Variants in ANKFN1 observed in about 807,000 individuals in gnomAD.
The protein encoded by ANKFN1 is ankyrin repeat and fibronectin type-III domain-containing protein 1.
Under a neutral mutation model 108.7 loss-of-function variants are expected in ANKFN1, and 74 were observed. The observed-to-expected ratio is 0.68, with a 90% CI of 0.56 to 0.83. The LOEUF is 0.83. ANKFN1 is among the 40% of genes least tolerant of loss of function. The probability of loss-of-function intolerance (pLI) is 0.00; values close to 1 mark genes in which losing one functional copy is unlikely to be tolerated. For synonymous variants in ANKFN1, 547 were observed against 516.2 expected (o/e 1.06, Z -0.81); for missense variants, 1,505 against 1,382.3 (o/e 1.09, Z -1.41).
intron 1 of ANKFN1, among the ~76,000 whole-genome samples, chr17:56,200,373 A>G (rs758438733): frequency 7.9e-5 from 12 of 152,240 alleles, no homozygotes; most frequent in East Asian, 1.9e-4. Flanking sequence ...TGAATTGGCT[A>G]TTTGGCCATG....
At chr17:56,338,797 CT>C (rs2045885648) in intron 4 of ANKFN1, among the ~76,000 whole-genome samples, 1 of 151,898 alleles carries the variant, frequency 6.6e-6, no homozygotes, top group South Asian at 2.1e-4. Context: ...GGGGAGGTTA[CT>C]AATAAGAACA....
At chr17:56,046,982 C>A (rs142861190) in intron 4 of ANKFN1, among the ~76,000 whole-genome samples, 1 of 151,966 alleles carries the variant, frequency 6.6e-6, no homozygotes, top group African/African-American at 2.4e-5. Flanking sequence ...CTTTTCCTTT[C>A]TTTTCTTTTT....
intron 4 of ANKFN1, among the ~76,000 whole-genome samples, chr17:56,130,163 C>T (rs1907191474): frequency 6.6e-6 from 1 of 152,212 alleles, no homozygotes; most frequent in African/African-American, 2.4e-5. Flanking sequence ...TTAAACCTCT[C>T]CCAGGCCTAA....
At chr17:56,345,183 G>T (rs2144640675) in intron 4 of ANKFN1, among the ~76,000 whole-genome samples, 1 of 152,186 alleles carries the variant, frequency 6.6e-6, no homozygotes, top group East Asian at 1.9e-4. Context: ...GAGAATGATG[G>T]CTTACAGCTT....
chr17:56,172,937 G>GCAAA (rs1910811383), intron 1 of ANKFN1, among the ~76,000 whole-genome samples: 1 of 152,168 alleles, frequency 6.6e-6, no homozygotes, highest in South Asian at 2.1e-4. Context: ...TTAGCTCTTA[G>GCAAA]CAAACGTCAT....
At chr17:56,068,633 CTCTT>C (rs1023450483) in intron 4 of ANKFN1, among the ~76,000 whole-genome samples, 5 of 152,186 alleles carry the variant, frequency 3.3e-5, no homozygotes, top group Admixed American at 6.5e-5. Context: ...ATTCCACAAA[CTCTT>C]TCTCCAGAAA....
chr17:56,510,282 G>C (rs2051702466), intron 20 of ANKFN1, among the ~76,000 whole-genome samples, 191 bp from the exon 21 acceptor site: 1 of 152,124 alleles, frequency 6.6e-6, no homozygotes, highest in Non-Finnish European at 1.5e-5. Context: ...CATAATTTGT[G>C]GGGTCCTGTG....
intron 8 of ANKFN1, among the ~76,000 whole-genome samples, chr17:56,438,150 G>A (rs545530034): frequency 3.3e-4 from 50 of 152,202 alleles, no homozygotes; most frequent in Admixed American, 9.8e-4. Context: ...GATACATAGC[G>A]TAAAACATAA....
chr17:56,086,123 T>G (rs1218601799), intron 4 of ANKFN1, among the ~76,000 whole-genome samples: 1 of 151,206 alleles, frequency 6.6e-6, no homozygotes, highest in Non-Finnish European at 1.5e-5. Flanking sequence ...AAAATCAATT[T>G]GTGCCAGGTG....
At chr17:56,091,030 A>G (rs1186535369) in intron 4 of ANKFN1, among the ~76,000 whole-genome samples, 1 of 151,404 alleles carries the variant, frequency 6.6e-6, no homozygotes, top group Non-Finnish European at 1.5e-5. Context: ...AACTATGAGC[A>G]TCTTCAGGGC....
chr17:56,311,983 C>T (rs765099874), intron 3 of ANKFN1, among the ~76,000 whole-genome samples: 6 of 152,140 alleles, frequency 3.9e-5, no homozygotes, highest in Admixed American at 1.3e-4. Context: ...GAACTCTTCG[C>T]GGTCTCCTCT....
chr17:56,353,754 A>G (rs1400813540), intron 5 of ANKFN1, 82 bp from the exon 6 acceptor site: 2 of 1,256,126 alleles, frequency 1.6e-6, no homozygotes, highest in Non-Finnish European at 2.3e-6. Context: ...TCCCTGAAAC[A>G]GTCTTTAAAC....
chr17:56,467,799 A>AGAAAAAGAAAG (rs1568026402), intron 15 of ANKFN1, among the ~76,000 whole-genome samples: 17 of 20,152 alleles, frequency 8.4e-4, no homozygotes, highest in African/African-American at 3.6e-3. Context: ...AAGAAGAAAG[A>AGAAAAAGAAAG]AAGAAAGAAA....
intron 1 of ANKFN1, among the ~76,000 whole-genome samples, chr17:56,162,395 G>A (rs1909742277): frequency 6.6e-6 from 1 of 152,118 alleles, no homozygotes; most frequent in Non-Finnish European, 1.5e-5. Context: ...GGACTATGAG[G>A]GAAGGGTCTG....
intron 18 of ANKFN1, 125 bp downstream of exon 18, chr17:56,482,649 C>A (rs2145377896): frequency 8.3e-7 from 1 of 1,198,864 alleles, no homozygotes; most frequent in Non-Finnish European, 1.2e-6. Context: ...TTGGCAACAA[C>A]CCTTCCTAGA....
intron 4 of ANKFN1, among the ~76,000 whole-genome samples, chr17:56,144,156 GAAAAAAAAAAA>G (rs59884444): frequency 4.9e-5 from 2 of 40,550 alleles, no homozygotes; most frequent in African/African-American, 9.2e-5. Flanking sequence ...AGGCGCATCT[GAAAAAAAAAAA>G]AAAAAAAAAA....
chr17:56,238,607 G>C (rs947524882), intron 3 of ANKFN1, among the ~76,000 whole-genome samples: 2 of 152,058 alleles, frequency 1.3e-5, no homozygotes, highest in Non-Finnish European at 2.9e-5. Flanking sequence ...AGCAACCCCT[G>C]CTTTTTTACT....
intron 8 of ANKFN1, among the ~76,000 whole-genome samples, chr17:56,428,159 G>A (rs866451881): frequency 2.0e-5 from 3 of 151,700 alleles, no homozygotes; most frequent in Admixed American, 6.6e-5. Flanking sequence ...GCTTGAACCC[G>A]GGAGGCAGAG....
chr17:56,320,469 G>A (rs1463567805), intron 3 of ANKFN1, among the ~76,000 whole-genome samples: 1 of 152,160 alleles, frequency 6.6e-6, no homozygotes. Context: ...ATGATAAAAT[G>A]TTGGAACTGC....
Sources: gnomAD v4.1 joint callset for allele counts (sites outside exome capture counted in the v4.1 genomes callset) on GRCh38, gnomAD v4.1.1 for gene constraint, MANE v1.5 for transcripts, NCBI Gene and HGNC (gene_info 2026-07-23, HGNC 2026-07-21) for gene names.